Variants in CACNA2D3 observed in about 807,000 individuals in gnomAD.
CACNA2D3 encodes calcium voltage-gated channel auxiliary subunit alpha2delta 3, also known as voltage-dependent calcium channel subunit alpha-2/delta-3.
Under a neutral mutation model 160.6 loss-of-function variants are expected in CACNA2D3, and 60 were observed. That is an observed-to-expected ratio of 0.37 (90% CI 0.30 to 0.46). The LOEUF is 0.46. Among genes scored for constraint, CACNA2D3 ranks in the 20% least tolerant of loss-of-function variants. The pLI is 1.00. For missense variants in CACNA2D3, 1,205 were observed against 1,365.0 expected (o/e 0.88, Z 1.85); for synonymous variants, 558 against 492.9 (o/e 1.13, Z -1.75).
At chr3:54,818,432 C>T (rs997030772) in intron 14 of CACNA2D3, among the ~76,000 whole-genome samples, 3 of 152,192 alleles carry the variant, frequency 2.0e-5, no homozygotes, top group Admixed American at 6.5e-5. Flanking sequence ...CTGCCTGCCT[C>T]GGCCTCAAAA....
intron 14 of CACNA2D3, among the ~76,000 whole-genome samples, chr3:54,829,431 T>A (rs1703820110): frequency 6.6e-6 from 1 of 152,132 alleles, no homozygotes; most frequent in Admixed American, 6.6e-5. Context: ...CAGAGGACTT[T>A]TTTGGCTGGT....
At chr3:54,250,440 T>C (rs1177511585) in intron 2 of CACNA2D3, among the ~76,000 whole-genome samples, 1 of 152,130 alleles carries the variant, frequency 6.6e-6, no homozygotes. Flanking sequence ...TTAAAATAAA[T>C]ACTTTTTTTA....
intron 2 of CACNA2D3, among the ~76,000 whole-genome samples, chr3:54,283,502 C>G (rs1002385857): frequency 2.0e-5 from 3 of 152,140 alleles, no homozygotes; most frequent in African/African-American, 7.2e-5. Flanking sequence ...CCTAACAGAG[C>G]AGATAAAATT....
chr3:54,412,574 C>T (rs1426754120), intron 4 of CACNA2D3, among the ~76,000 whole-genome samples: 3 of 146,520 alleles, frequency 2.0e-5, no homozygotes, highest in African/African-American at 7.5e-5. Flanking sequence ...TTTTCTGTAC[C>T]TTTACTTATA....
At position 55,065,394 on chromosome 3, in the gene CACNA2D3, T is replaced by C. The variant is rs541265487; in HGVS notation, c.2988-8051T>C. On this transcript the variant is annotated intron_variant, in intron 35 of 37. Transcript: ENST00000474759. ...TCCTACCCCAACCCCCTACTCCCAC[T>C]CCAAGCTTATTTGGCTTAGAAAACG... Among the ~76,000 whole-genome samples, 3 of 152,268 alleles carry C rather than the reference T, an allele frequency of 2.0e-5. No individual in the cohort carries two copies. The East Asian group carries it at 5.8e-4, about 29-fold the overall frequency.
intron 13 of CACNA2D3, among the ~76,000 whole-genome samples, chr3:54,771,506 G>A (rs141480880): frequency 3.3e-5 from 5 of 152,254 alleles, no homozygotes; most frequent in Admixed American, 1.3e-4. Flanking sequence ...TTCTTTGCCC[G>A]TATAGGACTG....
At chr3:54,219,530 T>G (rs1701526560) in intron 2 of CACNA2D3, among the ~76,000 whole-genome samples, 1 of 152,226 alleles carries the variant, frequency 6.6e-6, no homozygotes, top group Admixed American at 6.5e-5. Context: ...TAGGTTTGGA[T>G]AGTGAACCAT....
chr3:54,925,058 C>A (rs769519094), intron 27 of CACNA2D3: 2 of 1,614,134 alleles, frequency 1.2e-6, no homozygotes, highest in Non-Finnish European at 8.5e-7. Flanking sequence ...CTTGTAAATG[C>A]AGCGTTCGAG....
Position 54,581,869 on chromosome 3 carries a change from A to G in CACNA2D3, c.955A>G (p.Asn319Asp). Residue 319 changes from asparagine (N) to aspartate (D), a missense_variant, in exon 9 of 38, where the codon AAC (asparagine) becomes GAC (aspartate). By Grantham distance (23) the Asn-to-Asp change is conservative. Transcript: ENST00000474759. ...AACTTTGGTGCAAGCCGACAGGACA[A>G]ACAAAGAGGTAGGGGCAGCTCGGGG... ...NGTLVQADRT[N>D]KEHFREHLDK... 6.2e-7 allele frequency: 1 copy of G among 1,613,802 alleles called. No homozygotes were observed. The highest frequency in any genetic ancestry group is 2.2e-5 in the East Asian group (1 of 44,862).
intron 27 of CACNA2D3, among the ~76,000 whole-genome samples, chr3:54,948,497 A>G (rs1701672288): frequency 6.6e-6 from 1 of 152,226 alleles, no homozygotes; most frequent in Non-Finnish European, 1.5e-5. Flanking sequence ...AGTATGGGCA[A>G]AGGTAGCATC....
intron 27 of CACNA2D3, among the ~76,000 whole-genome samples, chr3:54,910,931 T>C (rs1202379262): frequency 1.3e-5 from 2 of 152,186 alleles, no homozygotes; most frequent in African/African-American, 2.4e-5. Flanking sequence ...TTGGATAATA[T>C]TGAATGTACT....
chr3:54,139,380 C>T (rs992518047), intron 2 of CACNA2D3, among the ~76,000 whole-genome samples: 6 of 152,258 alleles, frequency 3.9e-5, no homozygotes, highest in African/African-American at 1.4e-4. Context: ...CCTGCCCACG[C>T]TCTGCAGACA....
chr3:54,286,313 G>A lies in CACNA2D3; in HGVS notation c.205-34129G>A, dbSNP rs543308447. ...GCCTCAGGAGCGGATGCGATCAACT[G>A]GAAGAAAGGGTATCAGCAATGGAAG... On this transcript the variant is annotated intron_variant, in intron 2 of 37. Coordinates refer to ENST00000474759, the MANE Select transcript of CACNA2D3 (RefSeq NM_018398.3). Among the ~76,000 whole-genome samples the A allele has an allele frequency of 4.7e-3, 714 of 152,316 alleles. 10 individuals are homozygous for A. Among genetic ancestry groups the A allele is most frequent in the African/African-American group, 0.016 (679 of 41,568 alleles).
At chr3:54,874,356 C>G (rs549494065) in intron 18 of CACNA2D3, among the ~76,000 whole-genome samples, 1 of 151,984 alleles carries the variant, frequency 6.6e-6, no homozygotes, top group South Asian at 2.1e-4. Flanking sequence ...CATGCATAGC[C>G]CAGTCTGAAT....
rs1472955924 is a variant in CACNA2D3 at position 54,122,666 on chromosome 3, C to G, written c.-48C>G. ...ACCGCCCGCTCCGCGCAGCTCCCCG[C>G]GGCCGCTCTCGTCGCCGCCGCAGCG... On this transcript the variant is annotated 5_prime_UTR_variant, in exon 1 of 38. Coordinates refer to ENST00000474759, the MANE Select transcript of CACNA2D3 (RefSeq NM_018398.3). 83 of 1,022,702 alleles carry G rather than the reference C, an allele frequency of 8.1e-5. No individual in the cohort carries two copies. Among genetic ancestry groups the G allele is most frequent in the Non-Finnish European group, 9.2e-5 (79 of 856,498 alleles). 63.4% of individuals were successfully genotyped at this position (1,022,702 alleles called of 1,614,324 possible).
chr3:54,784,273 G>A (rs1702590834), intron 13 of CACNA2D3, among the ~76,000 whole-genome samples: 1 of 152,204 alleles, frequency 6.6e-6, no homozygotes, highest in Non-Finnish European at 1.5e-5. Flanking sequence ...CTGCATTGCA[G>A]AGTGCAGCAG....
intron 13 of CACNA2D3, among the ~76,000 whole-genome samples, chr3:54,782,342 G>C (rs1702551818): frequency 1.3e-5 from 2 of 152,142 alleles, no homozygotes. Context: ...AAAGAATAGT[G>C]GTGGTGATCT....
intron 31 of CACNA2D3, among the ~76,000 whole-genome samples, chr3:54,993,268 C>G (rs1347145523): frequency 6.6e-6 from 1 of 152,230 alleles, no homozygotes; most frequent in South Asian, 2.1e-4. Context: ...GGATAACACT[C>G]TGGGTTAATC....
chr3:54,489,184 C>T (rs1347486481), intron 4 of CACNA2D3, among the ~76,000 whole-genome samples: 2 of 152,020 alleles, frequency 1.3e-5, no homozygotes, highest in African/African-American at 2.4e-5. Context: ...GTCCTAAGAG[C>T]AGGAAAAAGT....
Sources: gnomAD v4.1 joint callset for allele counts (sites outside exome capture counted in the v4.1 genomes callset) on GRCh38, gnomAD v4.1.1 for gene constraint, MANE v1.5 for transcripts, NCBI Gene and HGNC (gene_info 2026-07-23, HGNC 2026-07-21) for gene names.